The following LRRTM3 variants were observed in gnomAD, a reference collection of about 807,000 sequenced individuals.
LRRTM3 encodes leucine-rich repeat transmembrane neuronal protein 3.
A neutral mutation model predicts 44.7 loss-of-function variants in LRRTM3; 24 were observed. The ratio of observed to expected loss-of-function variants is 0.54; its 90% CI spans 0.39 to 0.76. LRRTM3 has a LOEUF of 0.76. Ranked by LOEUF, LRRTM3 falls within the 30% of genes least tolerant of loss-of-function variation. LRRTM3 has a pLI of 0.00. For missense variants in LRRTM3, 587 were observed against 702.2 expected (o/e 0.84, Z 1.85); for synonymous variants, 277 against 278.7 (o/e 0.99, Z 0.06).
At chr10:66,967,151 A>G (rs528501924) in intron 2 of LRRTM3, among the ~76,000 whole-genome samples, 1 of 152,038 alleles carries the variant, frequency 6.6e-6, no homozygotes, top group South Asian at 2.1e-4. Context: ...AAAATAGACT[A>G]TTTTTCTGGA....
intron 2 of LRRTM3, among the ~76,000 whole-genome samples, chr10:66,968,739 G>A (rs571271765): frequency 1.2e-4 from 19 of 152,030 alleles, no homozygotes; most frequent in Admixed American, 3.3e-4. Flanking sequence ...ATTTTTGGCC[G>A]GGCATGGTGG....
intron 2 of LRRTM3, among the ~76,000 whole-genome samples, chr10:67,057,209 T>A (rs1010934392): frequency 6.6e-5 from 10 of 152,202 alleles, no homozygotes; most frequent in African/African-American, 2.4e-5. Context: ...TGTTTTGATA[T>A]ACATATAAAT....
chr10:67,011,444 T>C (rs1193005937), intron 2 of LRRTM3, among the ~76,000 whole-genome samples: 1 of 152,176 alleles, frequency 6.6e-6, no homozygotes, highest in Non-Finnish European at 1.5e-5. Flanking sequence ...AACAGAAATT[T>C]ACCCATAGAG....
At chr10:66,976,052 C>T (rs1850011084) in intron 2 of LRRTM3, among the ~76,000 whole-genome samples, 1 of 152,122 alleles carries the variant, frequency 6.6e-6, no homozygotes, top group Admixed American at 6.6e-5. Context: ...AATAATAGGT[C>T]AGTTAGTCCA....
At chr10:66,988,417 C>T (rs187390901) in intron 2 of LRRTM3, among the ~76,000 whole-genome samples, 250 of 152,276 alleles carry the variant, frequency 1.6e-3, no homozygotes, top group African/African-American at 5.8e-3. Context: ...CACAAATACT[C>T]ATCTAAAGTT....
intron 2 of LRRTM3, among the ~76,000 whole-genome samples, chr10:66,992,340 T>G (rs2132940036): frequency 6.6e-6 from 1 of 152,280 alleles, no homozygotes; most frequent in Non-Finnish European, 1.5e-5. Context: ...GTTTATATCC[T>G]TTGCCTATTT....
intron 2 of LRRTM3, among the ~76,000 whole-genome samples, chr10:67,084,204 A>C (rs985983354): frequency 6.6e-6 from 1 of 152,134 alleles, no homozygotes; most frequent in African/African-American, 2.4e-5. Context: ...GATTTAAGCA[A>C]TCTATCCTCA....
intron 2 of LRRTM3, among the ~76,000 whole-genome samples, chr10:67,048,129 G>A (rs1388680034): frequency 6.6e-6 from 1 of 151,810 alleles, no homozygotes; most frequent in Non-Finnish European, 1.5e-5. Context: ...TTCCCTTCAC[G>A]GTCTTCCTCC....
chr10:67,039,318 A>G (rs1395380397), intron 2 of LRRTM3, among the ~76,000 whole-genome samples: 1 of 152,142 alleles, frequency 6.6e-6, no homozygotes, highest in Non-Finnish European at 1.5e-5. Flanking sequence ...CAGTTAACAT[A>G]AATGCTAAAA....
chr10:67,030,471 T>C (rs1412875010), intron 2 of LRRTM3, among the ~76,000 whole-genome samples: 1 of 152,130 alleles, frequency 6.6e-6, no homozygotes, highest in Non-Finnish European at 1.5e-5. Context: ...ATTATGTGTA[T>C]ATAATATATT....
intron 2 of LRRTM3, among the ~76,000 whole-genome samples, chr10:67,023,447 G>T (rs185021065): frequency 2.3e-3 from 349 of 152,192 alleles, no homozygotes; most frequent in Non-Finnish European, 3.7e-3. Flanking sequence ...CTTATCCATG[G>T]ATCTTCTATA....
At chr10:66,957,221 C>T (rs962202198) in intron 2 of LRRTM3, among the ~76,000 whole-genome samples, 2 of 151,738 alleles carry the variant, frequency 1.3e-5, no homozygotes, top group Non-Finnish European at 2.9e-5. Context: ...TCTGGCTTCA[C>T]CAAGTAAATC....
intron 2 of LRRTM3, among the ~76,000 whole-genome samples, chr10:66,978,873 A>G (rs1316535862): frequency 6.6e-6 from 1 of 151,328 alleles, no homozygotes; most frequent in Non-Finnish European, 1.5e-5. Flanking sequence ...TAAATTTCAC[A>G]AAGCCTATTA....
chr10:66,968,212 G>T (rs976090803), intron 2 of LRRTM3, among the ~76,000 whole-genome samples: 2 of 151,878 alleles, frequency 1.3e-5, no homozygotes, highest in African/African-American at 2.4e-5. Flanking sequence ...AGAGTATGTT[G>T]CTGGCTGTGG....
At chr10:67,022,799 G>A (rs927523429) in intron 2 of LRRTM3, among the ~76,000 whole-genome samples, 45 of 152,012 alleles carry the variant, frequency 3.0e-4, no homozygotes, top group African/African-American at 1.0e-3. Flanking sequence ...TTAGCCGGGC[G>A]TGGTGGTGCA....
intron 2 of LRRTM3, among the ~76,000 whole-genome samples, chr10:67,023,826 G>T (rs967348152): frequency 6.6e-6 from 1 of 152,158 alleles, no homozygotes; most frequent in Non-Finnish European, 1.5e-5. Flanking sequence ...TAGGATACAG[G>T]AGTTTTACAA....
chr10:67,071,116 A>G (rs1401533437), intron 2 of LRRTM3, among the ~76,000 whole-genome samples: 1 of 152,200 alleles, frequency 6.6e-6, no homozygotes, highest in African/African-American at 2.4e-5. Context: ...TATGTATTTT[A>G]AATTTCACAA....
chr10:66,947,059 T>G (rs1395392937), intron 2 of LRRTM3, among the ~76,000 whole-genome samples: 1 of 152,176 alleles, frequency 6.6e-6, no homozygotes, highest in Non-Finnish European at 1.5e-5. Context: ...CCCTGACTTT[T>G]ACTTAATCTC....
chr10:66,959,562 A>T (rs2132764393), intron 2 of LRRTM3, among the ~76,000 whole-genome samples: 1 of 152,130 alleles, frequency 6.6e-6, no homozygotes, highest in Non-Finnish European at 1.5e-5. Flanking sequence ...AAGAGAATTA[A>T]CCTCTCTGGG....
Sources: allele counts gnomAD v4.1 joint callset (sites outside exome capture counted in the v4.1 genomes callset), GRCh38; gene constraint gnomAD v4.1.1; transcripts MANE v1.5; gene names NCBI Gene and HGNC (gene_info 2026-07-23, HGNC 2026-07-21).